Variants in SLC46A3 observed in about 807,000 individuals in gnomAD.
SLC46A3 encodes the protein lysosomal proton-coupled steroid conjugate and bile acid symporter SLC46A3.
Under a neutral mutation model 38.5 loss-of-function variants are expected in SLC46A3, and 26 were observed. That is an observed-to-expected ratio of 0.68 (90% CI 0.49 to 0.94). The LOEUF (loss-of-function observed/expected upper bound fraction) is 0.94, where lower values mean the gene tolerates loss of function less well. Among genes scored for constraint, SLC46A3 ranks in the 40% least tolerant of loss-of-function variants. The pLI is 0.00. For missense variants in SLC46A3, 510 were observed against 544.3 expected (o/e 0.94, Z 0.63); for synonymous variants, 185 against 192.5 (o/e 0.96, Z 0.32).
intron 2 of SLC46A3, among the ~76,000 whole-genome samples, chr13:28,715,816 T>C (rs2137841592): frequency 6.6e-6 from 1 of 152,180 alleles, no homozygotes; most frequent in Non-Finnish European, 1.5e-5. Flanking sequence ...GTATACTCCA[T>C]GAATATGTAC....
chr13:28,700,980 T>C lies in SLC46A3; in HGVS notation c.*517A>G. 1.3e-6 allele frequency: 2 copies of C among 1,534,758 alleles called. No homozygotes were observed. Among genetic ancestry groups the C allele is most frequent in the Non-Finnish European group, 1.8e-6 (2 of 1,134,154 alleles). ...CTCTATAAAATAAAGCATTACCAAG[T>C]ATAGGTAAAATCATACATATTTGAA... is the stretch of plus-strand genomic sequence containing the variant. On this transcript the variant is annotated 3_prime_UTR_variant, in exon 6 of 6. Transcript: ENST00000266943.
Position 28,700,801 on chromosome 13 carries a change from G to A in SLC46A3, c.*696C>T, listed in dbSNP as rs771330746. 565 of 567,722 alleles carry A rather than the reference G, an allele frequency of 1.0e-3. 2 individuals are homozygous for A. The highest frequency in any genetic ancestry group is 8.2e-4 in the Non-Finnish European group (268 of 327,648). The allele number at this position is 567,722 out of a possible 1,614,324, so 35.2% of individuals were successfully genotyped here. ...TAGAAATATTATCATGCCTGTCACC[G>A]ATGAAACATATTAAGAAAAGTGAAA... On this transcript the variant is annotated 3_prime_UTR_variant, in exon 6 of 6. Coordinates refer to ENST00000266943, the MANE Select transcript of SLC46A3 (RefSeq NM_181785.4).
rs1885007407 is a variant in SLC46A3 at position 28,701,272 on chromosome 13, T to C, written c.*225A>G. 1 of 1,403,264 alleles carries C rather than the reference T, an allele frequency of 7.1e-7. No individual in the cohort carries two copies. The highest frequency in any genetic ancestry group is 9.2e-7 in the Non-Finnish European group (1 of 1,082,288). 86.9% of individuals were successfully genotyped at this position (1,403,264 alleles called of 1,614,324 possible). A position where few individuals can be genotyped will look rare whatever the true frequency, so the allele number is the denominator to read the frequency against. On this transcript the variant is annotated 3_prime_UTR_variant, in exon 6 of 6. Transcript: ENST00000266943. The stretch of plus-strand genomic sequence containing the variant: ...AGTGAGGCGTATTTGAAATTTGTTC[T>C]GTGTATTGCAAGTATATTGCATGAT...
intron 4 of SLC46A3, among the ~76,000 whole-genome samples, chr13:28,705,221 A>C (rs574657583): frequency 2.7e-4 from 41 of 152,310 alleles, no homozygotes; most frequent in African/African-American, 9.6e-4. Flanking sequence ...CTACTTTGCC[A>C]AGTTTACTTT....
At chr13:28,711,688 A>G (rs1885348485) in intron 3 of SLC46A3, among the ~76,000 whole-genome samples, 1 of 152,242 alleles carries the variant, frequency 6.6e-6, no homozygotes, top group Non-Finnish European at 1.5e-5. Flanking sequence ...CTTAATAGTC[A>G]GTAGTTTTAA....
At chr13:28,714,325 C>T (rs1593190954) in intron 2 of SLC46A3, among the ~76,000 whole-genome samples, 2 of 151,626 alleles carry the variant, frequency 1.3e-5, no homozygotes, top group African/African-American at 2.4e-5. Flanking sequence ...GGTAGCATAC[C>T]GTGGCTGAGT....
intron 4 of SLC46A3, chr13:28,704,363 A>C (rs776862498): frequency 2.6e-6 from 1 of 379,342 alleles, no homozygotes; most frequent in East Asian, 4.8e-5. Context: ...CAGTGTCCAC[A>C]GGGCAAAGCT....
At chr13:28,706,932 A>T (rs906741603) in intron 4 of SLC46A3, among the ~76,000 whole-genome samples, 15 of 152,206 alleles carry the variant, frequency 9.9e-5, no homozygotes, top group South Asian at 2.1e-4. Context: ...AGAAATAGGA[A>T]CACTTTTACA....
Position 28,712,798 on chromosome 13 carries a change from T to G in SLC46A3, c.942A>C (p.Gly314=). 6.2e-7 allele frequency: 1 copy of G among 1,613,722 alleles called. No homozygotes were observed. Among genetic ancestry groups the G allele is most frequent in the Non-Finnish European group, 8.5e-7 (1 of 1,179,934 alleles). ...GSASFLTSFL[G]IWLFSYCMED... ...CCATACAATAAGAAAAAAGCCATAT[T>G]CCTAGGAAACTAGTCAAAAAAGAGG... The change falls in exon 3 of 6, where the codon GGA becomes GGC. Residue 314 remains glycine, a synonymous_variant. Transcript: ENST00000266943.
intron 3 of SLC46A3, 26 bp from the exon 4 acceptor site, chr13:28,710,869 CT>C (rs1287815904): frequency 6.5e-7 from 1 of 1,547,852 alleles, no homozygotes; most frequent in Non-Finnish European, 8.9e-7. Flanking sequence ...TTCAAAATCA[CT>C]GGCTGATTCT....
At chr13:28,705,931 C>T (rs890988783) in intron 4 of SLC46A3, among the ~76,000 whole-genome samples, 1 of 152,200 alleles carries the variant, frequency 6.6e-6, no homozygotes, top group African/African-American at 2.4e-5. Context: ...TCAGACACTG[C>T]ACCATCTGTT....
At chr13:28,712,118 G>T (rs895226916) in intron 3 of SLC46A3, among the ~76,000 whole-genome samples, 17 of 152,176 alleles carry the variant, frequency 1.1e-4, no homozygotes, top group African/African-American at 4.1e-4. Context: ...TTTCAATGCA[G>T]TATCTCATTT....
At chr13:28,707,463 C>T (rs1044430939) in intron 4 of SLC46A3, among the ~76,000 whole-genome samples, 12 of 150,500 alleles carry the variant, frequency 8.0e-5, no homozygotes, top group Admixed American at 3.3e-4. Flanking sequence ...TGCTAAATGA[C>T]GAGTTAATGG....
At chr13:28,705,628 T>C (rs1442573733) in intron 4 of SLC46A3, among the ~76,000 whole-genome samples, 1 of 152,240 alleles carries the variant, frequency 6.6e-6, no homozygotes, top group Non-Finnish European at 1.5e-5. Flanking sequence ...AGGGCTCAGC[T>C]GTCCGGGTGC....
intron 2 of SLC46A3, among the ~76,000 whole-genome samples, chr13:28,716,926 A>G (rs1436993790): frequency 6.6e-6 from 1 of 151,898 alleles, no homozygotes; most frequent in East Asian, 1.9e-4. Flanking sequence ...CTTTACAATC[A>G]CAAAATATCC....
At chr13:28,704,941 A>G (rs1885134296) in intron 4 of SLC46A3, among the ~76,000 whole-genome samples, 1 of 152,210 alleles carries the variant, frequency 6.6e-6, no homozygotes, top group Non-Finnish European at 1.5e-5. Flanking sequence ...TGGTCAGTGC[A>G]AGCTCACAAT....
chr13:28,703,284 C>T (rs1171808331), intron 5 of SLC46A3, among the ~76,000 whole-genome samples: 1 of 152,184 alleles, frequency 6.6e-6, no homozygotes, highest in Non-Finnish European at 1.5e-5. Flanking sequence ...CACATCCTAT[C>T]TGCTTTTGTC....
At chr13:28,703,419 C>T (rs1885084799) in intron 5 of SLC46A3, among the ~76,000 whole-genome samples, 1 of 152,142 alleles carries the variant, frequency 6.6e-6, no homozygotes, top group Non-Finnish European at 1.5e-5. Context: ...CTAATTTAAT[C>T]AATGGTTTAA....
chr13:28,710,061 C>A (rs981029508), intron 4 of SLC46A3, among the ~76,000 whole-genome samples: 1 of 152,158 alleles, frequency 6.6e-6, no homozygotes, highest in African/African-American at 2.4e-5. Context: ...TGAAAAATAT[C>A]CCTTTGTAAT....
Sources: allele counts gnomAD v4.1 joint callset (sites outside exome capture counted in the v4.1 genomes callset), GRCh38; gene constraint gnomAD v4.1.1; transcripts MANE v1.5; gene names NCBI Gene and HGNC (gene_info 2026-07-23, HGNC 2026-07-21).